Variants in IQCH observed in about 807,000 individuals in gnomAD.
The protein encoded by IQCH is IQ motif containing H, also known as IQ domain-containing protein H.
In IQCH, 98 loss-of-function variants were observed where a neutral mutation model predicts 117.0. That is an observed-to-expected ratio of 0.84 (90% confidence interval 0.71 to 0.99). IQCH has a LOEUF of 0.99. IQCH is among the 50% of genes least tolerant of loss of function. The probability of loss-of-function intolerance (pLI) is 0.00; values close to 1 mark genes in which losing one functional copy is unlikely to be tolerated. For missense variants in IQCH, 1,102 were observed against 1,243.8 expected, an observed-to-expected ratio of 0.89 and a Z score of 1.72; for synonymous variants, 412 against 448.2, an observed-to-expected ratio of 0.92 and a Z score of 1.02.
Position 67,500,926 on chromosome 15 carries a change from A to C in IQCH, c.*180A>C. 2.6e-6 allele frequency: 1 copy of C among 389,956 alleles called. No individual in the cohort carries two copies. The highest frequency in any genetic ancestry group is 4.7e-6 in the Non-Finnish European group (1 of 212,614). The allele number at this position is 389,956 out of a possible 1,614,324, so 24.2% of individuals were successfully genotyped here. A position where few individuals can be genotyped will look rare whatever the true frequency, so the allele number is the denominator to read the frequency against. ...ATTGTTTATTAAGTGATCTTATTTT[A>C]TTTATTAAACCAAAACTTATTTGTG... On this transcript the variant is annotated 3_prime_UTR_variant, in exon 21 of 21. Coordinates refer to ENST00000335894, the MANE Select transcript of IQCH (RefSeq NM_001031715.3). The surrounding 1 kb of genome is among the most constrained non-coding windows in gnomAD (Gnocchi z 4.4).
rs1392173364 is a variant in IQCH at position 67,427,857 on chromosome 15, C to A, written c.2505+6280C>A. On this transcript the variant is annotated intron_variant, in intron 16 of 20. Coordinates refer to ENST00000335894, the MANE Select transcript of IQCH (RefSeq NM_001031715.3). The surrounding 1 kb of genome is among the most constrained non-coding windows in gnomAD (Gnocchi z 4.7). Reference sequence around the variant, plus strand: ...TTTTTTTTTTTTTTTGAAGCAGAATCTCCCTGTGTTGCCCAGGCTGGAGTG... The same window carrying A: ...TTTTTTTTTTTTTTTGAAGCAGAATATCCCTGTGTTGCCCAGGCTGGAGTG... Among the ~76,000 whole-genome samples, 1 of 145,882 alleles carries A rather than the reference C, an allele frequency of 6.9e-6. No homozygotes were observed. The highest frequency in any genetic ancestry group is 2.5e-5 in the African/African-American group (1 of 39,306).
chr15:67,437,013 G>T (rs2082154146), intron 16 of IQCH, among the ~76,000 whole-genome samples: 1 of 151,940 alleles, frequency 6.6e-6, no homozygotes, highest in Admixed American at 6.6e-5. Flanking sequence ...GAGTTCTAGG[G>T]CCCCACCCAC....
At chr15:67,389,579 A>T (rs1971218848) in intron 12 of IQCH, among the ~76,000 whole-genome samples, 1 of 151,884 alleles carries the variant, frequency 6.6e-6, no homozygotes, top group Non-Finnish European at 1.5e-5. Flanking sequence ...TGGAATGATA[A>T]AGGCAGCATT....
chr15:67,292,974 G>A (rs1966801903), intron 4 of IQCH, among the ~76,000 whole-genome samples: 1 of 152,184 alleles, frequency 6.6e-6, no homozygotes, highest in Admixed American at 6.5e-5. Flanking sequence ...GGCCTAGACA[G>A]TGCCTAGCCT....
Position 67,261,281 on chromosome 15 carries a change from G to C in IQCH, c.61G>C (p.Asp21His). Residue 21 changes from aspartate (D) to histidine (H), a missense_variant, in exon 2 of 21, where the codon GAC becomes CAC. Physicochemically the swap from Asp to His is moderately conservative, Grantham distance 81 (BLOSUM62 -1). Around this residue, in one of 2 missense-constraint regions of IQCH, gnomAD observed 452 missense variants for 449.6 expected, o/e 1.01. Coordinates refer to ENST00000335894, the MANE Select transcript of IQCH (RefSeq NM_001031715.3). The part of the protein sequence containing the change: ...VGSILIQIHE[D>H]LYQLKEKLTK... ...TTTTTTATACCTATAGATCCATGAA[G>C]ACCTTTATCAGTTAAAGGAGAAATT... 2 of 1,534,144 alleles carry C rather than the reference G, an allele frequency of 1.3e-6. No homozygotes were observed. The highest frequency in any genetic ancestry group is 1.8e-6 in the Non-Finnish European group (2 of 1,132,874).
chr15:67,370,061 C>T lies in IQCH; in HGVS notation c.754-2050C>T, dbSNP rs775198544. ...TGATAAATTTTGCTCCCACTGCCAC[C>T]CAAGGCTGTTCTTTCAGAAGGTCTA... On this transcript the variant is annotated intron_variant, in intron 8 of 20. Coordinates refer to ENST00000335894, the MANE Select transcript of IQCH (RefSeq NM_001031715.3). This position sits in a 1 kb window ranked among gnomAD's most constrained non-coding sequence, Gnocchi z 5.6. Among the ~76,000 whole-genome samples, 8 of 152,114 alleles carry T rather than the reference C, an allele frequency of 5.3e-5. No individual in the cohort carries two copies. The highest frequency in any genetic ancestry group is 3.3e-4 in the Admixed American group (5 of 15,266).
intron 8 of IQCH, 31 bp from the exon 9 acceptor site, chr15:67,372,080 A>C: frequency 1.3e-6 from 2 of 1,547,270 alleles, no homozygotes; most frequent in South Asian, 2.5e-5. Context: ...AATATCTTTC[A>C]CTTCTAAAAT....
chr15:67,380,514 C>T (rs565565517), intron 10 of IQCH, among the ~76,000 whole-genome samples: 1 of 152,332 alleles, frequency 6.6e-6, no homozygotes, highest in African/African-American at 2.4e-5. Context: ...TGCTTTCACA[C>T]TTGCATAAGT....
intron 1 of IQCH, among the ~76,000 whole-genome samples, chr15:67,260,037 G>A (rs1238743544): frequency 2.6e-5 from 4 of 152,186 alleles, no homozygotes; most frequent in Non-Finnish European, 4.4e-5. Context: ...AATCAGTAAT[G>A]CAGGCTGGAT....
intron 5 of IQCH, among the ~76,000 whole-genome samples, chr15:67,339,751 G>A (rs897187971): frequency 1.8e-4 from 27 of 152,140 alleles, no homozygotes; most frequent in African/African-American, 6.3e-4. Flanking sequence ...GAATAAGGCT[G>A]GTCTCAGTAG....
intron 10 of IQCH, among the ~76,000 whole-genome samples, chr15:67,380,191 A>G (rs565504423): frequency 6.6e-6 from 1 of 152,330 alleles, no homozygotes; most frequent in African/African-American, 2.4e-5. Flanking sequence ...TACTAATACA[A>G]CTGGCTTTAG....
At chr15:67,460,371 GC>G (rs1242635745) in intron 16 of IQCH, among the ~76,000 whole-genome samples, 2 of 152,088 alleles carry the variant, frequency 1.3e-5, no homozygotes, top group Non-Finnish European at 2.9e-5. Flanking sequence ...TATTAGTTTT[GC>G]AAAGCTGAAG....
intron 20 of IQCH, among the ~76,000 whole-genome samples, chr15:67,495,168 AT>A (rs1296088748): frequency 6.6e-6 from 1 of 152,202 alleles, no homozygotes; most frequent in Non-Finnish European, 1.5e-5. Flanking sequence ...TAGAAATGTA[AT>A]TTTAATTACA....
chr15:67,255,524 G>T (rs1965130080), intron 1 of IQCH, among the ~76,000 whole-genome samples: 1 of 152,208 alleles, frequency 6.6e-6, no homozygotes, highest in Non-Finnish European at 1.5e-5. Context: ...GTCCAATACA[G>T]CTCAATTTGT....
At position 67,443,214 on chromosome 15, in the gene IQCH, G is replaced by T. The variant is rs1468807470; in HGVS notation, c.2505+21637G>T. On this transcript the variant is annotated intron_variant, in intron 16 of 20. Transcript: ENST00000335894. The surrounding 1 kb of genome is among the most constrained non-coding windows in gnomAD (Gnocchi z 5.0). ...TCACCGTGTTAACCAGGATGGTCTC[G>T]ATCTCCTGAACTCGTCATCCACCCG... is the stretch of plus-strand genomic sequence containing the variant. Among the ~76,000 whole-genome samples, 1 of 152,216 alleles carries T rather than the reference G, an allele frequency of 6.6e-6. No individual in the cohort carries two copies. The highest frequency in any genetic ancestry group is 1.9e-4 in the East Asian group (1 of 5,190).
At chr15:67,498,709 A>T (rs1221898966) in intron 20 of IQCH, among the ~76,000 whole-genome samples, 3 of 152,212 alleles carry the variant, frequency 2.0e-5, no homozygotes, top group African/African-American at 7.2e-5. Context: ...ATAAACCTTC[A>T]TGACCTTGGG....
At position 67,358,999 on chromosome 15, in the gene IQCH, C is replaced by G. The variant is rs937190853; in HGVS notation, c.715-848C>G. ...GGTAAAGAAAATCAATGTAAATGGC[C>G]AAATCCCAAGACAGACAGGCCTTCA... On this transcript the variant is annotated intron_variant, in intron 7 of 20. Transcript: ENST00000335894. Among the ~76,000 whole-genome samples, 6 of 152,162 alleles carry G rather than the reference C, an allele frequency of 3.9e-5. 1 individual carries two copies. In the East Asian group the frequency reaches 1.2e-3, roughly 29 times the overall value.
At chr15:67,349,557 G>A (rs533979595) in intron 6 of IQCH, among the ~76,000 whole-genome samples, 4 of 140,298 alleles carry the variant, frequency 2.9e-5, no homozygotes, top group South Asian at 4.4e-4. Context: ...GCAGTGAGCC[G>A]AGATTGCGCC....
intron 10 of IQCH, among the ~76,000 whole-genome samples, chr15:67,377,136 AAAAG>A (rs1970766795): frequency 6.6e-6 from 1 of 151,292 alleles, no homozygotes; most frequent in Non-Finnish European, 1.5e-5. Flanking sequence ...AAAAAAGAAA[AAAAG>A]AAAAAAAGAA....
Sources: allele counts gnomAD v4.1 joint callset (sites outside exome capture counted in the v4.1 genomes callset), GRCh38; gene constraint gnomAD v4.1.1; regional missense constraint gnomAD v4.1.1; non-coding constraint Gnocchi (gnomAD v3.1); transcripts MANE v1.5; gene names NCBI Gene and HGNC (gene_info 2026-07-23, HGNC 2026-07-21).